The following ATXN1 variants were observed in gnomAD, a reference collection of about 807,000 sequenced individuals.
ATXN1 encodes the protein ataxin-1.
ATXN1 carries 8 observed loss-of-function variants against 56.4 expected under a neutral mutation model. The observed-to-expected ratio is 0.14, with a 90% CI of 0.08 to 0.26. ATXN1 has a LOEUF of 0.26. Ranked by LOEUF, ATXN1 falls within the 10% of genes least tolerant of loss-of-function variation. ATXN1 has a pLI of 1.00. For missense variants in ATXN1, 987 were observed against 1,106.5 expected (o/e 0.89, Z 1.53); for synonymous variants, 514 against 494.6 (o/e 1.04, Z -0.52).
intron 6 of ATXN1, among the ~76,000 whole-genome samples, chr6:16,473,864 C>T (rs1760270761): frequency 3.3e-5 from 5 of 152,204 alleles, no homozygotes; most frequent in Non-Finnish European, 5.9e-5. Context: ...CCATCTTCTC[C>T]TATGCTATCC....
At chr6:16,420,545 T>C (rs1205139803) in intron 6 of ATXN1, among the ~76,000 whole-genome samples, 3 of 152,222 alleles carry the variant, frequency 2.0e-5, no homozygotes, top group African/African-American at 4.8e-5. Context: ...GGCAGATGTA[T>C]ATAAATGATC....
Position 16,604,947 on chromosome 6 carries a change from T to C in ATXN1, c.-488-19040A>G, listed in dbSNP as rs373336291. 9.2e-5 allele frequency among the ~76,000 whole-genome samples: 14 copies of C among 152,348 alleles called. No individual in the cohort carries two copies. The East Asian group carries it at 2.7e-3, about 29-fold the overall frequency. ...CTGACTGTTAGATGTGGGAATCAGA[T>C]GTTTTCATGTTATATATGTGAATTA... is the stretch of plus-strand genomic sequence containing the variant. On this transcript the variant is annotated intron_variant, in intron 3 of 7. Transcript: ENST00000436367.
At chr6:16,581,483 A>T in intron 4 of ATXN1, among the ~76,000 whole-genome samples, 1 of 152,190 alleles carries the variant, frequency 6.6e-6, no homozygotes, top group Non-Finnish European at 1.5e-5. Flanking sequence ...AGATAAAAGA[A>T]ATCTCTGAGC....
chr6:16,306,310 C>A lies in ATXN1; in HGVS notation c.*19G>T. ...CAAATGATAAGGGAGAGCCACGTTT[C>A]CTTTCCCCCACGCTGCCTCTACTTG... On this transcript the variant is annotated 3_prime_UTR_variant, in exon 8 of 8. Coordinates refer to ENST00000436367, the MANE Select transcript of ATXN1 (RefSeq NM_001128164.2). This position sits in a 1 kb window ranked among gnomAD's most constrained non-coding sequence, Gnocchi z 5.2. 1 of 1,578,466 alleles carries A rather than the reference C, an allele frequency of 6.3e-7. No individual in the cohort carries two copies. The highest frequency in any genetic ancestry group is 1.2e-5 in the South Asian group (1 of 86,504).
intron 6 of ATXN1, among the ~76,000 whole-genome samples, chr6:16,439,618 A>C (rs1367520931): frequency 6.6e-6 from 1 of 152,154 alleles, no homozygotes; most frequent in Non-Finnish European, 1.5e-5. Context: ...CAAATAAAAA[A>C]TTGAGCTTGT....
chr6:16,471,195 C>T (rs1036041077), intron 6 of ATXN1, among the ~76,000 whole-genome samples: 1 of 150,268 alleles, frequency 6.7e-6, no homozygotes, highest in African/African-American at 2.4e-5. Context: ...AATTAAAACA[C>T]ACACACACAC....
At chr6:16,512,292 G>T (rs770259384) in intron 5 of ATXN1, among the ~76,000 whole-genome samples, 7 of 152,218 alleles carry the variant, frequency 4.6e-5, no homozygotes, top group African/African-American at 1.7e-4. Context: ...GACACAATTT[G>T]CTCTAATGTT....
intron 6 of ATXN1, among the ~76,000 whole-genome samples, chr6:16,463,410 T>C (rs1479805271): frequency 1.3e-5 from 2 of 152,172 alleles, no homozygotes; most frequent in African/African-American, 4.8e-5. Flanking sequence ...TACCCCTACT[T>C]ATACGGTTAA....
chr6:16,391,782 T>TGACTACAGGGCTTTGTTGTG (rs1179157239), intron 6 of ATXN1, among the ~76,000 whole-genome samples: 4 of 152,216 alleles, frequency 2.6e-5, no homozygotes, highest in Non-Finnish European at 5.9e-5. Context: ...AGGTGGTGGA[T>TGACTACAGGGCTTTGTTGTG]GACTACAGGG....
chr6:16,493,215 T>C (rs1189673536), intron 5 of ATXN1, among the ~76,000 whole-genome samples: 1 of 152,184 alleles, frequency 6.6e-6, no homozygotes, highest in African/African-American at 2.4e-5. Flanking sequence ...AAATTCTTTA[T>C]TTGATGCTGA....
intron 6 of ATXN1, among the ~76,000 whole-genome samples, chr6:16,442,378 A>C (rs1759536067): frequency 1.3e-5 from 2 of 152,180 alleles, no homozygotes; most frequent in South Asian, 4.1e-4. Flanking sequence ...TTTAACACAT[A>C]ATCAGCTGTA....
chr6:16,502,647 G>A (rs940117442), intron 5 of ATXN1, among the ~76,000 whole-genome samples: 1 of 152,170 alleles, frequency 6.6e-6, no homozygotes, highest in African/African-American at 2.4e-5. Context: ...AATCGGAATT[G>A]TCAACCAGGT....
At chr6:16,721,264 G>A (rs960751482) in intron 2 of ATXN1, among the ~76,000 whole-genome samples, 86 of 152,318 alleles carry the variant, frequency 5.6e-4, no homozygotes, top group African/African-American at 2.0e-3. Flanking sequence ...ATCCCAAAAT[G>A]TGGATGCCAC....
At chr6:16,532,682 T>A (rs936543218) in intron 4 of ATXN1, among the ~76,000 whole-genome samples, 2 of 152,146 alleles carry the variant, frequency 1.3e-5, no homozygotes, top group African/African-American at 4.8e-5. Flanking sequence ...TTCACTCACA[T>A]TAAGATGGCT....
chr6:16,464,222 G>A (rs1254198629), intron 6 of ATXN1, among the ~76,000 whole-genome samples: 3 of 152,076 alleles, frequency 2.0e-5, no homozygotes, highest in Non-Finnish European at 2.9e-5. Context: ...CAAGAGGTTC[G>A]TAAAATGCAC....
Position 16,328,630 on chromosome 6 carries a change from C to T in ATXN1, c.-160-160G>A, listed in dbSNP as rs1760906303. Among the ~76,000 whole-genome samples the T allele has an allele frequency of 6.6e-6, 1 of 152,042 alleles. No individual in the cohort carries two copies. The highest frequency in any genetic ancestry group is 2.1e-4 in the South Asian group (1 of 4,814). On this transcript the variant is annotated intron_variant, in intron 6 of 7. Transcript: ENST00000436367. The surrounding 1 kb of genome is among the most constrained non-coding windows in gnomAD (Gnocchi z 6.2). ...GTGAACTCCCATAACCCAATCATAC[C>T]CCAAGCACTGAAGCAGAGAAAACAC...
chr6:16,539,902 T>A (rs1008668977), intron 4 of ATXN1, among the ~76,000 whole-genome samples: 2 of 152,064 alleles, frequency 1.3e-5, no homozygotes, highest in African/African-American at 4.8e-5. Flanking sequence ...AGAAAGATCC[T>A]CTCTGCAAAG....
chr6:16,611,839 A>C (rs1763110922), intron 3 of ATXN1, among the ~76,000 whole-genome samples: 2 of 148,630 alleles, frequency 1.3e-5, no homozygotes, highest in Admixed American at 1.4e-4. Flanking sequence ...TGGAAAAATA[A>C]GCAGATGAAA....
chr6:16,329,906 C>T (rs1412430071), intron 6 of ATXN1, among the ~76,000 whole-genome samples: 1 of 152,168 alleles, frequency 6.6e-6, no homozygotes, highest in African/African-American at 2.4e-5. Context: ...ACTGACATGA[C>T]CCAGGCTAGC....
Sources: allele counts gnomAD v4.1 joint callset (sites outside exome capture counted in the v4.1 genomes callset), GRCh38; gene constraint gnomAD v4.1.1; non-coding constraint Gnocchi (gnomAD v3.1); transcripts MANE v1.5; gene names NCBI Gene and HGNC (gene_info 2026-07-23, HGNC 2026-07-21).